Variants in FAM241A observed in about 807,000 individuals in gnomAD.
FAM241A encodes the protein family with sequence similarity 241 member A.
Under a neutral mutation model 12.2 loss-of-function variants are expected in FAM241A, and 7 were observed. The observed-to-expected ratio is 0.58, with a 90% confidence interval of 0.33 to 1.08. The LOEUF (loss-of-function observed/expected upper bound fraction) is 1.08. Ranked by LOEUF, FAM241A falls within the 50% of genes least tolerant of loss-of-function variation. The pLI is 0.04. For synonymous variants in FAM241A, 74 were observed against 68.2 expected (o/e 1.08, Z -0.42); for missense variants, 161 against 169.7 (o/e 0.95, Z 0.29).
intron 1 of FAM241A, among the ~76,000 whole-genome samples, chr4:112,161,366 C>T (rs1483983547): frequency 6.6e-6 from 1 of 152,046 alleles, no homozygotes; most frequent in Non-Finnish European, 1.5e-5. Context: ...ATCAATGAAT[C>T]TAGGAGCTGG....
intron 1 of FAM241A, among the ~76,000 whole-genome samples, chr4:112,183,501 C>G (rs538068943): frequency 1.6e-4 from 24 of 152,118 alleles, no homozygotes; most frequent in Admixed American, 3.9e-4. Context: ...AACCCACAAG[C>G]ATTTGTAGAT....
At chr4:112,147,503 G>A (rs551338969) in intron 1 of FAM241A, among the ~76,000 whole-genome samples, 2 of 152,106 alleles carry the variant, frequency 1.3e-5, no homozygotes, top group South Asian at 2.1e-4. Context: ...CTGATAAAAC[G>A]TTTCTTGGTA....
In FAM241A at chr4:112,189,095, A is replaced by G. The variant is rs925951195; in HGVS notation, c.*2157A>G. ...ATTTATTTGGTTCATGGTATAAAGA[A>G]TTAGATTGGGCCGGGCGCGGTGGCT... On this transcript the variant is annotated 3_prime_UTR_variant, in exon 2 of 2. Transcript: ENST00000309733. 3.3e-5 allele frequency: 5 copies of G among 152,174 alleles called. No individual in the cohort carries two copies. The highest frequency in any genetic ancestry group is 4.8e-5 in the African/African-American group (2 of 41,442). 9.4% of individuals were successfully genotyped at this position (152,174 alleles called of 1,614,324 possible).
chr4:112,176,550 A>T (rs909034), intron 1 of FAM241A, among the ~76,000 whole-genome samples: 13,442 of 152,272 alleles, frequency 0.088, 710 homozygotes, highest in South Asian at 0.13. Flanking sequence ...TATGGGACTT[A>T]ACCTCTTCAT....
At chr4:112,185,338 C>G (rs1724016646) in intron 1 of FAM241A, among the ~76,000 whole-genome samples, 2 of 152,058 alleles carry the variant, frequency 1.3e-5, no homozygotes, top group African/African-American at 4.8e-5. Context: ...AGCATGGTCA[C>G]CAGATCAGCA....
chr4:112,158,411 A>G lies in FAM241A; in HGVS notation c.153+12678A>G, dbSNP rs185913751. ...TATTCTTTCTTTTTCTGGCTAGCAT[A>G]TACTTTCTTGATAGCTTTTAGCCCA... On this transcript the variant is annotated intron_variant, in intron 1 of 1. Transcript: ENST00000309733. Among the ~76,000 whole-genome samples, 31 of 152,210 alleles carry G rather than the reference A, an allele frequency of 2.0e-4. 1 individual carries two copies. Among genetic ancestry groups the G allele is most frequent in the Admixed American group, 1.8e-3 (28 of 15,284 alleles).
At chr4:112,176,451 T>A (rs535979522) in intron 1 of FAM241A, among the ~76,000 whole-genome samples, 6 of 152,240 alleles carry the variant, frequency 3.9e-5, no homozygotes, top group Non-Finnish European at 8.8e-5. Context: ...GTTAAGTAAT[T>A]TGCCCAATGT....
In FAM241A at chr4:112,189,713, G is replaced by A. The variant is rs79828012; in HGVS notation, c.*2775G>A. 1 of 152,138 alleles carries A rather than the reference G, an allele frequency of 6.6e-6. No individual in the cohort carries two copies. The highest frequency in any genetic ancestry group is 1.5e-5 in the Non-Finnish European group (1 of 68,020). The allele number at this position is 152,138 out of a possible 1,614,324, so 9.4% of individuals were successfully genotyped here. ...ATTCCTAGTCCAGTAGTGTGCTGGA[G>A]CAAGCTTGCACTGGCTTACAAGAGC... On this transcript the variant is annotated 3_prime_UTR_variant, in exon 2 of 2. Transcript: ENST00000309733.
intron 1 of FAM241A, among the ~76,000 whole-genome samples, chr4:112,147,148 A>C (rs555818538): frequency 6.6e-6 from 1 of 152,344 alleles, no homozygotes; most frequent in African/African-American, 2.4e-5. Flanking sequence ...TGTAGACATC[A>C]CTAATAGTTG....
At position 112,145,733 on chromosome 4, in the gene FAM241A, G is replaced by C; in HGVS notation, c.153G>C (p.Gln51His). The C allele has an allele frequency of 5.0e-6, 6 of 1,190,896 alleles. No homozygotes were observed. The highest frequency in any genetic ancestry group is 6.2e-6 in the Non-Finnish European group (6 of 961,630). The allele number at this position is 1,190,896 out of a possible 1,614,324, so 73.8% of individuals were successfully genotyped here. Residue 51 changes from glutamine to histidine, a missense_variant and splice_region_variant, in exon 1 of 2, where the codon CAG becomes CAC. By Grantham distance (24) the Gln-to-His change is conservative (BLOSUM62 0). Coordinates refer to ENST00000309733, the MANE Select transcript of FAM241A (RefSeq NM_152400.3). ...GACAGCGGCCGAAGGAGAGCGAGCA[G>C]GTGAGCGCGGGGAGGGGCGGCGGCG... ...RRGQRPKESE[Q>H]DVEDSQNHTG...
chr4:112,159,214 G>A (rs967312391), intron 1 of FAM241A, among the ~76,000 whole-genome samples: 6 of 152,168 alleles, frequency 3.9e-5, no homozygotes, highest in Non-Finnish European at 7.4e-5. Flanking sequence ...CTCTTTAGTA[G>A]AGTAAAGCAA....
chr4:112,179,914 G>GATATATATATATAT (rs34513702), intron 1 of FAM241A, among the ~76,000 whole-genome samples: 91 of 117,750 alleles, frequency 7.7e-4, no homozygotes, highest in African/African-American at 1.7e-3. Flanking sequence ...AAGAAAATGT[G>GATATATATATATAT]ATATATATAT....
intron 1 of FAM241A, among the ~76,000 whole-genome samples, chr4:112,163,902 G>A (rs1185276822): frequency 6.6e-6 from 1 of 152,188 alleles, no homozygotes; most frequent in East Asian, 1.9e-4. Flanking sequence ...AAGAAAATGT[G>A]GCACATGTAC....
At chr4:112,167,812 T>A (rs571143725) in intron 1 of FAM241A, among the ~76,000 whole-genome samples, 10 of 152,328 alleles carry the variant, frequency 6.6e-5, no homozygotes, top group African/African-American at 2.2e-4. Context: ...TGAACTAAAT[T>A]GACTAAGTAA....
rs1271064466 is a variant in FAM241A, at chr4:112,194,399, G to T, written c.*7461G>T. On this transcript the variant is annotated 3_prime_UTR_variant, in exon 2 of 2. Transcript: ENST00000309733. ...TCCAACACTATGTTGAATAGGAGTG[G>T]TGAGAGAGGGCATCCCTGTCTTGTG... is the stretch of plus-strand genomic sequence containing the variant. The T allele has an allele frequency of 6.6e-6, 1 of 151,446 alleles. No homozygotes were observed. The allele number at this position is 151,446 out of a possible 1,614,324, so 9.4% of individuals were successfully genotyped here.
In FAM241A at chr4:112,188,142, G is replaced by A. The variant is rs1184685962; in HGVS notation, c.*1204G>A. The A allele has an allele frequency of 6.6e-6, 1 of 152,088 alleles. No individual in the cohort carries two copies. The highest frequency in any genetic ancestry group is 2.4e-5 in the African/African-American group (1 of 41,412). 9.4% of individuals were successfully genotyped at this position (152,088 alleles called of 1,614,324 possible). A position where few individuals can be genotyped will look rare whatever the true frequency, so the allele number is the denominator to read the frequency against. On this transcript the variant is annotated 3_prime_UTR_variant, in exon 2 of 2. Transcript: ENST00000309733. Reference sequence around the variant, plus strand: ...GAGAATGGCTTTAGTGATATTTTGGGTTTTGTTAGAGAACCTAAAATCTTT... The same window carrying A: ...GAGAATGGCTTTAGTGATATTTTGGATTTTGTTAGAGAACCTAAAATCTTT...
At chr4:112,146,635 G>A (rs1723143722) in intron 1 of FAM241A, among the ~76,000 whole-genome samples, 1 of 152,188 alleles carries the variant, frequency 6.6e-6, no homozygotes, top group Non-Finnish European at 1.5e-5. Flanking sequence ...ATTACAGCCT[G>A]TACTGTTAGG....
chr4:112,160,682 A>G (rs1195268161), intron 1 of FAM241A, among the ~76,000 whole-genome samples: 2 of 152,206 alleles, frequency 1.3e-5, no homozygotes, highest in African/African-American at 2.4e-5. Flanking sequence ...TAACCAAAAC[A>G]GTGTGGTACT....
chr4:112,177,563 C>A (rs1249225445), intron 1 of FAM241A, among the ~76,000 whole-genome samples: 1 of 152,004 alleles, frequency 6.6e-6, no homozygotes, highest in South Asian at 2.1e-4. Context: ...AATAATAGTG[C>A]CTCCTTTACA....
Sources: allele counts gnomAD v4.1 joint callset (sites outside exome capture counted in the v4.1 genomes callset), GRCh38; gene constraint gnomAD v4.1.1; transcripts MANE v1.5; gene names NCBI Gene and HGNC (gene_info 2026-07-23, HGNC 2026-07-21).